The following SLIT3 variants were observed in gnomAD, a reference collection of about 807,000 sequenced individuals.
SLIT3 encodes slit guidance ligand 3, also known as slit homolog 3 protein.
SLIT3 carries 68 observed loss-of-function variants against 184.0 expected under a neutral mutation model. The ratio of observed to expected loss-of-function variants is 0.37; its 90% CI spans 0.30 to 0.45. The LOEUF (loss-of-function observed/expected upper bound fraction) is 0.45. Among genes scored for constraint, SLIT3 ranks in the 20% least tolerant of loss-of-function variants. The probability of loss-of-function intolerance (pLI) is 1.00; values close to 1 mark genes in which losing one functional copy is unlikely to be tolerated. For missense variants in SLIT3, 1,707 were observed against 2,026.0 expected, an observed-to-expected ratio of 0.84 and a Z score of 3.02; for synonymous variants, 831 against 828.6, an observed-to-expected ratio of 1.00 and a Z score of -0.05.
At chr5:168,953,334 G>A (rs1350926372) in intron 4 of SLIT3, among the ~76,000 whole-genome samples, 1 of 152,122 alleles carries the variant, frequency 6.6e-6, no homozygotes. Context: ...GCCGTTGTGA[G>A]GATTCAAAGA....
chr5:168,791,014 C>T (rs1403760480), intron 10 of SLIT3: 1 of 152,260 alleles, frequency 6.6e-6, no homozygotes, highest in Admixed American at 6.5e-5. Flanking sequence ...GACAAATCCG[C>T]AGATTGCACT....
intron 4 of SLIT3, among the ~76,000 whole-genome samples, chr5:169,093,985 G>A (rs925436603): frequency 7.2e-5 from 11 of 152,130 alleles, no homozygotes; most frequent in African/African-American, 2.2e-4. Context: ...TCCTGGTACC[G>A]TTCTAAGCAT....
intron 9 of SLIT3, among the ~76,000 whole-genome samples, chr5:168,798,005 A>G (rs1756627260): frequency 6.6e-6 from 1 of 152,108 alleles, no homozygotes; most frequent in Admixed American, 6.5e-5. Context: ...TCTCTGTGGA[A>G]GTAGGTATTC....
At chr5:168,952,954 G>A (rs1762709091) in intron 4 of SLIT3, among the ~76,000 whole-genome samples, 1 of 152,182 alleles carries the variant, frequency 6.6e-6, no homozygotes, top group Non-Finnish European at 1.5e-5. Flanking sequence ...CACACATCAG[G>A]GGTGAAGGGG....
chr5:169,060,122 G>A (rs1432097173), intron 4 of SLIT3, among the ~76,000 whole-genome samples: 2 of 152,208 alleles, frequency 1.3e-5, no homozygotes, highest in African/African-American at 4.8e-5. Flanking sequence ...ACGCGCAGCG[G>A]CTCATGGCTG....
At chr5:168,873,466 C>CAAAAAA (rs35719669) in intron 5 of SLIT3, among the ~76,000 whole-genome samples, 1 of 130,012 alleles carries the variant, frequency 7.7e-6, no homozygotes, top group Non-Finnish European at 1.7e-5. Flanking sequence ...CCTGTCTCTA[C>CAAAAAA]AAAAAAAAAA....
At chr5:168,805,524 G>A (rs534037861) in intron 9 of SLIT3, among the ~76,000 whole-genome samples, 1 of 152,298 alleles carries the variant, frequency 6.6e-6, no homozygotes, top group East Asian at 1.9e-4. Flanking sequence ...GCTATTTAAA[G>A]AATAATCTTG....
chr5:168,825,703 T>C (rs1757678881), intron 6 of SLIT3, among the ~76,000 whole-genome samples: 1 of 152,250 alleles, frequency 6.6e-6, no homozygotes, highest in Non-Finnish European at 1.5e-5. Flanking sequence ...TAATCTATCC[T>C]GCCTCTGTCC....
intron 9 of SLIT3, 105 bp from the exon 10 acceptor site, chr5:168,795,683 G>A (rs542034341): frequency 2.2e-6 from 2 of 889,476 alleles, no homozygotes; most frequent in East Asian, 4.9e-5. Context: ...GGTCTTTTTT[G>A]TCACAGGTGC....
intron 22 of SLIT3, 96 bp from the exon 23 acceptor site, chr5:168,722,423 C>A: frequency 9.3e-7 from 1 of 1,071,142 alleles, no homozygotes; most frequent in Non-Finnish European, 1.4e-6. Context: ...AATGGTTTAT[C>A]TTTTCAATGT....
chr5:169,247,432 G>A (rs1328551364), intron 2 of SLIT3, among the ~76,000 whole-genome samples: 1 of 152,062 alleles, frequency 6.6e-6, no homozygotes, highest in East Asian at 1.9e-4. Flanking sequence ...TTTCCTTGCT[G>A]GATGACAAGG....
chr5:168,858,015 C>A (rs1287551688), intron 5 of SLIT3, among the ~76,000 whole-genome samples: 1 of 152,224 alleles, frequency 6.6e-6, no homozygotes, highest in Non-Finnish European at 1.5e-5. Context: ...CTGCTCAGCT[C>A]TTCTGTGTCT....
At chr5:168,770,991 G>C (rs1295544743) in intron 14 of SLIT3, among the ~76,000 whole-genome samples, 3 of 151,496 alleles carry the variant, frequency 2.0e-5, no homozygotes, top group African/African-American at 7.3e-5. Context: ...TTTCCCTGCT[G>C]TGCCACGCAG....
intron 1 of SLIT3, among the ~76,000 whole-genome samples, chr5:169,252,416 G>C (rs560474948): frequency 3.9e-4 from 60 of 152,194 alleles, no homozygotes; most frequent in Admixed American, 1.5e-3. Flanking sequence ...ATTGAAGTGA[G>C]GGTGGAGGGC....
chr5:169,108,733 G>C (rs1254380826), intron 4 of SLIT3, among the ~76,000 whole-genome samples: 1 of 152,162 alleles, frequency 6.6e-6, no homozygotes. Flanking sequence ...ACCTTCGTAA[G>C]AGCCACCTCC....
intron 3 of SLIT3, among the ~76,000 whole-genome samples, chr5:169,205,005 G>A (rs1054517998): frequency 3.9e-5 from 6 of 152,186 alleles, no homozygotes; most frequent in Non-Finnish European, 5.9e-5. Flanking sequence ...AGGTTAGGGC[G>A]TTTCCAGGCA....
chr5:168,934,810 G>C (rs916351081), intron 4 of SLIT3, among the ~76,000 whole-genome samples: 9 of 151,812 alleles, frequency 5.9e-5, no homozygotes, highest in Admixed American at 2.6e-4. Flanking sequence ...AATGCTTTAT[G>C]CATGTTACCT....
intron 4 of SLIT3, among the ~76,000 whole-genome samples, chr5:169,013,755 C>G (rs1289089352): frequency 6.6e-6 from 1 of 152,208 alleles, no homozygotes; most frequent in African/African-American, 2.4e-5. Flanking sequence ...CCTACTCCTT[C>G]AGGTCTCTGC....
At chr5:168,878,860 G>A (rs979443666) in intron 5 of SLIT3, among the ~76,000 whole-genome samples, 1 of 151,898 alleles carries the variant, frequency 6.6e-6, no homozygotes, top group African/African-American at 2.4e-5. Context: ...GATTATAAGT[G>A]CCTGCCACCA....
Sources: gnomAD v4.1 joint callset for allele counts (sites outside exome capture counted in the v4.1 genomes callset) on GRCh38, gnomAD v4.1.1 for gene constraint, MANE v1.5 for transcripts, NCBI Gene and HGNC (gene_info 2026-07-23, HGNC 2026-07-21) for gene names.